The following ASAP1 variants were observed in gnomAD, a reference collection of about 807,000 sequenced individuals.
ASAP1 encodes the protein arf-GAP with SH3 domain, ANK repeat and PH domain-containing protein 1.
ASAP1 carries 43 observed loss-of-function variants against 145.2 expected under a neutral mutation model. The observed-to-expected ratio is 0.30, with a 90% confidence interval of 0.23 to 0.38. The LOEUF is 0.38. ASAP1 is among the 10% of genes least tolerant of loss of function. ASAP1 has a pLI of 1.00. For missense variants in ASAP1, 1,018 were observed against 1,355.3 expected (o/e 0.75, Z 3.91); for synonymous variants, 546 against 515.5 (o/e 1.06, Z -0.80).
intron 12 of ASAP1, among the ~76,000 whole-genome samples, chr8:130,156,400 C>G (rs1268455252): frequency 6.6e-6 from 1 of 152,210 alleles, no homozygotes; most frequent in African/African-American, 2.4e-5. Context: ...ACTCTATGAT[C>G]CAACAGCTCT....
At position 130,235,392 on chromosome 8, in the gene ASAP1, A is replaced by G. The variant is rs1020662238; in HGVS notation, c.259+1530T>C. Among the ~76,000 whole-genome samples the G allele has an allele frequency of 7.2e-5, 11 of 152,234 alleles. No homozygotes were observed. In the South Asian group the frequency reaches 1.2e-3, roughly 17 times the overall value. ...GATGAATTATCAAAAAGTGAACTTT[A>G]CCATGTAACCACCACTAACATCAAG... On this transcript the variant is annotated intron_variant, in intron 4 of 29. Transcript: ENST00000518721.
chr8:130,195,718 C>A (rs1462019435), intron 5 of ASAP1, among the ~76,000 whole-genome samples: 1 of 152,078 alleles, frequency 6.6e-6, no homozygotes, highest in African/African-American at 2.4e-5. Flanking sequence ...GCAAAAGGGG[C>A]TTAAGGAAGC....
At chr8:130,174,460 AC>A (rs1348689351) in intron 9 of ASAP1, among the ~76,000 whole-genome samples, 1 of 152,244 alleles carries the variant, frequency 6.6e-6, no homozygotes, top group African/African-American at 2.4e-5. Context: ...AGTAACAGTA[AC>A]AGTAATGGCA....
At chr8:130,214,909 C>CT (rs947739923) in intron 4 of ASAP1, among the ~76,000 whole-genome samples, 17 of 150,714 alleles carry the variant, frequency 1.1e-4, no homozygotes, top group South Asian at 2.1e-4. Context: ...ATCTTTTTTT[C>CT]TTTTTTTTTG....
chr8:130,317,688 T>G lies in ASAP1; in HGVS notation c.186+40329A>C, dbSNP rs539276304. Among the ~76,000 whole-genome samples, 203 of 152,344 alleles carry G rather than the reference T, an allele frequency of 1.3e-3. 2 individuals are homozygous for G. Among genetic ancestry groups the G allele is most frequent in the African/African-American group, 4.8e-3 (199 of 41,590 alleles). On this transcript the variant is annotated intron_variant, in intron 3 of 29. Coordinates refer to ENST00000518721, the MANE Select transcript of ASAP1 (RefSeq NM_018482.4). ...AAACCAGTTACCTCCATTGTGAGCT[T>G]TGAGGCCTGGGGCTCTGTTGCTACG...
chr8:130,206,730 C>A (rs1816250783), intron 5 of ASAP1, among the ~76,000 whole-genome samples: 2 of 151,938 alleles, frequency 1.3e-5, no homozygotes. Flanking sequence ...TATACATTTT[C>A]TAAAACCATT....
intron 3 of ASAP1, among the ~76,000 whole-genome samples, chr8:130,279,427 G>A (rs890406996): frequency 2.0e-5 from 3 of 152,156 alleles, no homozygotes; most frequent in Non-Finnish European, 2.9e-5. Flanking sequence ...GGATGTTAAT[G>A]GCAGATGTTA....
At chr8:130,215,917 C>T (rs1816875220) in intron 4 of ASAP1, among the ~76,000 whole-genome samples, 1 of 142,074 alleles carries the variant, frequency 7.0e-6, no homozygotes, top group Non-Finnish European at 1.5e-5. Context: ...GAATGAGACC[C>T]TATCTCCAAA....
Position 130,081,849 on chromosome 8 carries a change from G to A in ASAP1, c.2573-1878C>T, listed in dbSNP as rs560203498. On this transcript the variant is annotated intron_variant, in intron 25 of 29. Transcript: ENST00000518721. ...AGTAACATTATTAACAGCAACGACC[G>A]TTTACTGAGCACTTACTGTGAGCAA... 4.6e-5 allele frequency among the ~76,000 whole-genome samples: 7 copies of A among 152,172 alleles called. No homozygotes were observed. In the South Asian group the frequency reaches 1.0e-3, roughly 22 times the overall value.
chr8:130,087,802 A>T (rs1306671074), intron 25 of ASAP1, among the ~76,000 whole-genome samples: 1 of 152,214 alleles, frequency 6.6e-6, no homozygotes, highest in African/African-American at 2.4e-5. Context: ...TGCTGACAAC[A>T]ACTATTACCC....
intron 2 of ASAP1, among the ~76,000 whole-genome samples, chr8:130,373,455 T>A (rs1460243271): frequency 1.3e-5 from 2 of 152,212 alleles, no homozygotes; most frequent in African/African-American, 4.8e-5. Context: ...AATTTACTAA[T>A]ACACCATTCC....
chr8:130,183,326 G>C (rs902922676), intron 7 of ASAP1, among the ~76,000 whole-genome samples: 1 of 151,866 alleles, frequency 6.6e-6, no homozygotes, highest in African/African-American at 2.4e-5. Flanking sequence ...AACATTTAGA[G>C]ATAAAATTAT....
At chr8:130,187,125 G>T in intron 7 of ASAP1, 111 bp downstream of exon 7, 1 of 885,642 alleles carries the variant, frequency 1.1e-6, no homozygotes, top group Non-Finnish European at 1.7e-6. Context: ...TTGTTGAGAA[G>T]TTATTAGTTA....
intron 5 of ASAP1, among the ~76,000 whole-genome samples, chr8:130,211,016 AG>A (rs1332998656): frequency 6.6e-6 from 1 of 152,212 alleles, no homozygotes; most frequent in African/African-American, 2.4e-5. Flanking sequence ...GCATTAGAAA[AG>A]TTAAGTGAAT....
At chr8:130,291,230 C>G (rs1166646748) in intron 3 of ASAP1, among the ~76,000 whole-genome samples, 1 of 152,194 alleles carries the variant, frequency 6.6e-6, no homozygotes, top group Non-Finnish European at 1.5e-5. Context: ...CGAAAAATCT[C>G]AGAGATAAAA....
chr8:130,330,003 G>A (rs1824578552), intron 3 of ASAP1, among the ~76,000 whole-genome samples: 1 of 152,212 alleles, frequency 6.6e-6, no homozygotes, highest in African/African-American at 2.4e-5. Context: ...TAGTGTCACA[G>A]CTTTCAGGGA....
intron 2 of ASAP1, among the ~76,000 whole-genome samples, chr8:130,373,320 T>A (rs917762973): frequency 1.3e-5 from 2 of 152,098 alleles, no homozygotes; most frequent in Admixed American, 6.5e-5. Context: ...CTTACCATAC[T>A]CAAAATTCTA....
At chr8:130,122,224 C>G (rs2097567415) in intron 18 of ASAP1, among the ~76,000 whole-genome samples, 2 of 152,170 alleles carry the variant, frequency 1.3e-5, no homozygotes. Context: ...GTATGACTGA[C>G]TTTTTAATTC....
At chr8:130,081,994 T>A (rs544686942) in intron 25 of ASAP1, among the ~76,000 whole-genome samples, 1 of 152,350 alleles carries the variant, frequency 6.6e-6, no homozygotes, top group Admixed American at 6.5e-5. Flanking sequence ...GTCAGGTCAC[T>A]GGTAAGGGTC....
Sources: allele counts gnomAD v4.1 joint callset (sites outside exome capture counted in the v4.1 genomes callset), GRCh38; gene constraint gnomAD v4.1.1; transcripts MANE v1.5; gene names NCBI Gene and HGNC (gene_info 2026-07-23, HGNC 2026-07-21).